ZNF362: variants seen among roughly 807,000 people sequenced by gnomAD.
The protein encoded by ZNF362 is rotund homolog.
In ZNF362, 11 loss-of-function variants were observed where a neutral mutation model predicts 42.9. The observed-to-expected ratio is 0.26, with a 90% confidence interval of 0.16 to 0.42. The LOEUF (loss-of-function observed/expected upper bound fraction) is 0.42, where lower values mean the gene tolerates loss of function less well. ZNF362 is among the 20% of genes least tolerant of loss of function. The pLI, the probability that ZNF362 is intolerant of heterozygous loss-of-function variation, is 1.00. For synonymous variants in ZNF362, 255 were observed against 257.3 expected (o/e 0.99, Z 0.09); for missense variants, 362 against 576.2 (o/e 0.63, Z 3.81).
At chr1:33,131,788 A>G in the ZNF362 span, among the ~76,000 whole-genome samples, 1 of 152,154 alleles carries the variant, frequency 6.6e-6, no homozygotes, top group African/African-American at 2.4e-5. Context: ...TATACCTCAC[A>G]TTATATTTAT....
At chr1:33,247,941 G>C in the ZNF362 span, among the ~76,000 whole-genome samples, 495 of 152,362 alleles carry the variant, frequency 3.2e-3, 4 homozygotes, top group Non-Finnish European at 5.1e-3. Flanking sequence ...TCCCTTCTCT[G>C]GGTGAGGTCA....
At chr1:33,204,663 C>A in the ZNF362 span, among the ~76,000 whole-genome samples, 1 of 152,118 alleles carries the variant, frequency 6.6e-6, no homozygotes, top group Non-Finnish European at 1.5e-5. Context: ...TTATGAAAAA[C>A]CTACAGTTTA....
chr1:33,272,055 C>T (rs1468411145), intron 2 of ZNF362, among the ~76,000 whole-genome samples: 1 of 151,668 alleles, frequency 6.6e-6, no homozygotes, highest in Non-Finnish European at 1.5e-5. Context: ...AGGGGGCTCC[C>T]GCTCTGTCCT....
At chr1:33,212,041 T>C in the ZNF362 span, among the ~76,000 whole-genome samples, 2 of 152,312 alleles carry the variant, frequency 1.3e-5, no homozygotes, top group African/African-American at 4.8e-5. Flanking sequence ...AGGGACTGTT[T>C]CTCATGGTTA....
chr1:33,223,642 C>T, the ZNF362 span, among the ~76,000 whole-genome samples: 1 of 152,190 alleles, frequency 6.6e-6, no homozygotes, highest in African/African-American at 2.4e-5. Flanking sequence ...CCTGTAATCC[C>T]AGCACTTTGG....
intron 6 of ZNF362, among the ~76,000 whole-genome samples, chr1:33,288,064 T>G (rs1386868366): frequency 6.6e-6 from 1 of 152,254 alleles, no homozygotes; most frequent in Non-Finnish European, 1.5e-5. Flanking sequence ...GTTGCTTAAC[T>G]TAAATAGAAA....
chr1:33,207,216 T>G, the ZNF362 span, among the ~76,000 whole-genome samples: 6 of 152,090 alleles, frequency 3.9e-5, no homozygotes, highest in Admixed American at 3.9e-4. Context: ...TTTTCTGTCT[T>G]TGTGATATTT....
rs888280290 is a variant in ZNF362 at position 33,294,883 on chromosome 1, G to A, written c.909-54G>A. On this transcript the variant is annotated intron_variant, in intron 6 of 8. Coordinates refer to ENST00000539719, the MANE Select transcript of ZNF362 (RefSeq NM_152493.3). The surrounding 1 kb of genome is among the most constrained non-coding windows in gnomAD (Gnocchi z 4.2). ...CCAGAGTAAGGACTTGGGAACTGGAGCGGTCTTGGGGTGTGTGTCAGGGAC... is the reference window on the plus strand; with the variant it reads ...CCAGAGTAAGGACTTGGGAACTGGAACGGTCTTGGGGTGTGTGTCAGGGAC... 9 of 1,598,242 alleles carry A rather than the reference G, an allele frequency of 5.6e-6. No homozygotes were observed. The highest frequency in any genetic ancestry group is 1.7e-4 in the Middle Eastern group (1 of 6,038).
the ZNF362 span, chr1:33,146,952 A>T: frequency 1.7e-6 from 1 of 578,564 alleles, no homozygotes; most frequent in Non-Finnish European, 3.1e-6. Flanking sequence ...CTTGGATCAA[A>T]GCTGTATCCC....
chr1:33,206,407 T>C, the ZNF362 span, among the ~76,000 whole-genome samples: 1 of 152,036 alleles, frequency 6.6e-6, no homozygotes, highest in Non-Finnish European at 1.5e-5. Flanking sequence ...ATAAACTGGA[T>C]TTCATCGAAG....
At chr1:33,237,655 G>C in the ZNF362 span, among the ~76,000 whole-genome samples, 1 of 152,140 alleles carries the variant, frequency 6.6e-6, no homozygotes, top group Non-Finnish European at 1.5e-5. Context: ...ATCTGTGGTG[G>C]AGTCGTTGGC....
chr1:33,135,253 A>C, the ZNF362 span, among the ~76,000 whole-genome samples: 4 of 152,150 alleles, frequency 2.6e-5, no homozygotes, highest in Admixed American at 6.5e-5. Context: ...GCGCCACTGC[A>C]CTCCTGCCTG....
the ZNF362 span, among the ~76,000 whole-genome samples, chr1:33,160,439 C>T: frequency 6.6e-6 from 1 of 151,968 alleles, no homozygotes; most frequent in Non-Finnish European, 1.5e-5. Context: ...AGTTTTGCTC[C>T]TGTCACCCAG....
chr1:33,257,654 G>A (rs1645803179), intron 1 of ZNF362, among the ~76,000 whole-genome samples: 1 of 152,126 alleles, frequency 6.6e-6, no homozygotes, highest in South Asian at 2.1e-4. Context: ...GGCATTGTAA[G>A]GAGCTAGATC....
the ZNF362 span, chr1:33,147,615 C>G: frequency 2.5e-6 from 4 of 1,614,094 alleles, no homozygotes; most frequent in Non-Finnish European, 3.4e-6. The surrounding 1 kb of genome is among the most constrained non-coding windows in gnomAD (Gnocchi z 8.1). Flanking sequence ...AGCGCTTTGG[C>G]GAGTCCTGCA....
chr1:33,180,954 GACCCCACCCCC>G, the ZNF362 span: 4 of 883,072 alleles, frequency 4.5e-6, no homozygotes, highest in Non-Finnish European at 6.5e-6. Flanking sequence ...GTCCAGCCCT[GACCCCACCCCC>G]CGCCCGGCCC....
the ZNF362 span, among the ~76,000 whole-genome samples, chr1:33,187,508 A>G: frequency 6.6e-6 from 1 of 152,154 alleles, no homozygotes; most frequent in African/African-American, 2.4e-5. Flanking sequence ...AGGAGGGACA[A>G]TCTCCAGACC....
the ZNF362 span, among the ~76,000 whole-genome samples, chr1:33,178,312 T>G: frequency 6.6e-6 from 1 of 152,202 alleles, no homozygotes; most frequent in African/African-American, 2.4e-5. Flanking sequence ...GCTGCATAAA[T>G]AGCTAATAAG....
At chr1:33,185,991 AT>A in the ZNF362 span, among the ~76,000 whole-genome samples, 12 of 152,298 alleles carry the variant, frequency 7.9e-5, no homozygotes, top group Non-Finnish European at 7.3e-5. Flanking sequence ...TATTATATAT[AT>A]TTTTGTAATC....
Sources: gnomAD v4.1 joint callset for allele counts (sites outside exome capture counted in the v4.1 genomes callset) on GRCh38, gnomAD v4.1.1 for gene constraint, Gnocchi (gnomAD v3.1) non-coding constraint, MANE v1.5 for transcripts, NCBI Gene and HGNC (gene_info 2026-07-23, HGNC 2026-07-21) for gene names.